Variants in SMARCC1 observed in about 807,000 individuals in gnomAD.
SMARCC1 encodes the protein SWI/SNF complex subunit SMARCC1.
Under a neutral mutation model 147.4 loss-of-function variants are expected in SMARCC1, and 43 were observed. That is an observed-to-expected ratio of 0.29 (90% CI 0.23 to 0.38). SMARCC1 has a LOEUF of 0.38. Ranked by LOEUF, SMARCC1 falls within the 10% of genes least tolerant of loss-of-function variation. SMARCC1 has a pLI of 1.00. For missense variants in SMARCC1, 1,119 were observed against 1,381.1 expected (o/e 0.81, Z 3.01); for synonymous variants, 495 against 484.4 (o/e 1.02, Z -0.29).
chr3:47,738,256 A>G (rs149020230), intron 3 of SMARCC1, 146 bp from the exon 4 acceptor site: 23 of 566,680 alleles, frequency 4.1e-5, no homozygotes, highest in African/African-American at 3.7e-4. Context: ...TCTCAGTAAC[A>G]TAAGAATACA....
chr3:47,746,726 ATTTTTTT>A (rs35599897), intron 2 of SMARCC1, among the ~76,000 whole-genome samples: 1 of 122,008 alleles, frequency 8.2e-6, no homozygotes, highest in African/African-American at 2.9e-5. Flanking sequence ...CACATCAGTA[ATTTTTTT>A]TTTTTTTTTT....
chr3:47,738,582 G>A (rs919871699), intron 3 of SMARCC1, among the ~76,000 whole-genome samples: 1 of 152,096 alleles, frequency 6.6e-6, no homozygotes. Context: ...TACTCAGGAG[G>A]CTGAGGCAGG....
chr3:47,588,711 C>A (rs1007041422), intron 27 of SMARCC1, among the ~76,000 whole-genome samples: 10 of 116,064 alleles, frequency 8.6e-5, no homozygotes, highest in South Asian at 3.7e-4. Context: ...CCGCCCCCCC[C>A]CCGCCCCCAC....
intron 19 of SMARCC1, among the ~76,000 whole-genome samples, chr3:47,666,464 T>C (rs202139834): frequency 6.9e-6 from 1 of 144,612 alleles, no homozygotes; most frequent in Non-Finnish European, 1.5e-5. Context: ...TGTCTGTCAG[T>C]GTCCAAAACA....
At chr3:47,700,981 A>G (rs1411708054) in intron 11 of SMARCC1, among the ~76,000 whole-genome samples, 1 of 152,226 alleles carries the variant, frequency 6.6e-6, no homozygotes, top group African/African-American at 2.4e-5. Flanking sequence ...TAAACTATAT[A>G]TAGGTACGTA....
intron 21 of SMARCC1, among the ~76,000 whole-genome samples, chr3:47,651,633 T>C (rs2033191994): frequency 6.6e-6 from 1 of 152,242 alleles, no homozygotes; most frequent in South Asian, 2.1e-4. Context: ...AGACTTTCCC[T>C]GATCATTTAA....
chr3:47,707,937 C>T (rs2034028630), intron 9 of SMARCC1, among the ~76,000 whole-genome samples: 2 of 152,034 alleles, frequency 1.3e-5, no homozygotes. Context: ...CCATCCTATT[C>T]CTTACAACTG....
At chr3:47,589,616 A>C (rs2032144377) in intron 27 of SMARCC1, among the ~76,000 whole-genome samples, 1 of 152,182 alleles carries the variant, frequency 6.6e-6, no homozygotes, top group Non-Finnish European at 1.5e-5. Context: ...ATATACCTAG[A>C]TAAATTAGTG....
At chr3:47,659,478 C>G (rs982776598) in intron 21 of SMARCC1, among the ~76,000 whole-genome samples, 1 of 151,704 alleles carries the variant, frequency 6.6e-6, no homozygotes, top group Non-Finnish European at 1.5e-5. Flanking sequence ...TTACAAAGGC[C>G]ATGTCGGATT....
At position 47,682,125 on chromosome 3, in the gene SMARCC1, C is replaced by T. The variant is rs149845853; in HGVS notation, c.1386-1617G>A. Reference sequence around the variant, plus strand: ...CCTGGGTAGCATGGTGAAACCCCGTCTCTACTAAAACTACAAAAAATTAGC... The same window carrying T: ...CCTGGGTAGCATGGTGAAACCCCGTTTCTACTAAAACTACAAAAAATTAGC... On this transcript the variant is annotated intron_variant, in intron 14 of 27. Transcript: ENST00000254480. 4.0e-5 allele frequency among the ~76,000 whole-genome samples: 6 copies of T among 151,550 alleles called. No individual in the cohort carries two copies. The East Asian group carries it at 1.2e-3, about 29-fold the overall frequency.
At chr3:47,704,984 T>C (rs1163956478) in intron 10 of SMARCC1, among the ~76,000 whole-genome samples, 1 of 139,774 alleles carries the variant, frequency 7.2e-6, no homozygotes, top group Non-Finnish European at 1.5e-5. Flanking sequence ...CTCATGACCC[T>C]GTCTCAAAAA....
At chr3:47,640,531 G>A (rs1273959270) in intron 21 of SMARCC1, among the ~76,000 whole-genome samples, 2 of 152,056 alleles carry the variant, frequency 1.3e-5, no homozygotes, top group African/African-American at 4.8e-5. Flanking sequence ...TTATCAAACT[G>A]ATTCCAGAAG....
At position 47,663,584 on chromosome 3, in the gene SMARCC1, C is replaced by T. The variant is rs910716556; in HGVS notation, c.1900-992G>A. 4.3e-6 allele frequency: 6 copies of T among 1,395,756 alleles called. No individual in the cohort carries two copies. In the East Asian group the frequency reaches 6.9e-5, roughly 16 times the overall value. The allele number at this position is 1,395,756 out of a possible 1,614,324, so 86.5% of individuals were successfully genotyped here. ...AACACAGCAAGACCCTGTCTTAGGT[C>T]GCGATTTTCTCCTGCTGCTGTGGCC... is the stretch of plus-strand genomic sequence containing the variant. On this transcript the variant is annotated intron_variant, in intron 19 of 27. Coordinates refer to ENST00000254480, the MANE Select transcript of SMARCC1 (RefSeq NM_003074.4).
intron 26 of SMARCC1, among the ~76,000 whole-genome samples, chr3:47,607,411 G>A (rs2032492675): frequency 6.6e-6 from 1 of 152,164 alleles, no homozygotes; most frequent in Non-Finnish European, 1.5e-5. Flanking sequence ...TGATAATACC[G>A]TGACTTGGAC....
intron 5 of SMARCC1, among the ~76,000 whole-genome samples, chr3:47,733,143 T>TTTGAAATACTGTGAGAATTCCAA: frequency 6.6e-6 from 1 of 151,870 alleles, no homozygotes; most frequent in African/African-American, 2.4e-5. Flanking sequence ...ACTAAAAAAG[T>TTTGAAATACTGTGAGAATTCCAA]TTGAAATACT....
At chr3:47,777,277 T>G (rs2034986523) in intron 1 of SMARCC1, among the ~76,000 whole-genome samples, 1 of 151,210 alleles carries the variant, frequency 6.6e-6, no homozygotes, top group Non-Finnish European at 1.5e-5. Flanking sequence ...GAGACGGGGT[T>G]GCACCATGTT....
intron 1 of SMARCC1, among the ~76,000 whole-genome samples, chr3:47,776,142 C>T (rs548294788): frequency 2.6e-5 from 4 of 151,414 alleles, no homozygotes; most frequent in South Asian, 4.2e-4. Context: ...AGCGAGACTC[C>T]GTCTCAAACG....
chr3:47,626,086 T>G (rs1407974666), intron 24 of SMARCC1, among the ~76,000 whole-genome samples: 2 of 151,712 alleles, frequency 1.3e-5, no homozygotes, highest in East Asian at 3.9e-4. Flanking sequence ...TCTGGGAGTT[T>G]GAGGCTGCAG....
chr3:47,763,065 CAA>C (rs11285718), intron 2 of SMARCC1, among the ~76,000 whole-genome samples: 574 of 141,640 alleles, frequency 4.1e-3, no homozygotes, highest in African/African-American at 8.6e-3. Flanking sequence ...GACTCCATCT[CAA>C]AAAAAAAAAA....
Sources: gnomAD v4.1 joint callset for allele counts (sites outside exome capture counted in the v4.1 genomes callset) on GRCh38, gnomAD v4.1.1 for gene constraint, MANE v1.5 for transcripts, NCBI Gene and HGNC (gene_info 2026-07-23, HGNC 2026-07-21) for gene names.